Variants in CLEC12B observed in about 807,000 individuals in gnomAD.
CLEC12B encodes macrophage antigen h.
CLEC12B carries 25 observed loss-of-function variants against 36.1 expected under a neutral mutation model. That is an observed-to-expected ratio of 0.69 (90% CI 0.50 to 0.97). CLEC12B has a LOEUF of 0.97. Ranked by LOEUF, CLEC12B falls within the 50% of genes least tolerant of loss-of-function variation. The probability of loss-of-function intolerance (pLI) is 0.00; values close to 1 mark genes in which losing one functional copy is unlikely to be tolerated. For missense variants in CLEC12B, 325 were observed against 318.4 expected, an observed-to-expected ratio of 1.02 and a Z score of -0.16; for synonymous variants, 110 against 108.5, an observed-to-expected ratio of 1.01 and a Z score of -0.09.
At chr12:10,008,212 T>A (rs967375000), upstream of CLEC12B, among the ~76,000 whole-genome samples, 2 of 152,204 alleles carry the variant, frequency 1.3e-5, no homozygotes, top group African/African-American at 4.8e-5. Flanking sequence ...GTATGACTAG[T>A]GTGACCTAGG....
chr12:10,009,916 T>C (rs1865283326), upstream of CLEC12B, among the ~76,000 whole-genome samples: 1 of 152,174 alleles, frequency 6.6e-6, no homozygotes, highest in South Asian at 2.1e-4. Context: ...TTTTCCTGGG[T>C]TCTGTATTAA....
At chr12:10,007,741 T>C (rs906606050), upstream of CLEC12B, among the ~76,000 whole-genome samples, 1 of 152,254 alleles carries the variant, frequency 6.6e-6, no homozygotes, top group East Asian at 1.9e-4. Flanking sequence ...GCTACTTGAA[T>C]GTATGCACAG....
chr12:10,010,569 T>C (rs1237417221), upstream of CLEC12B: 2 of 471,206 alleles, frequency 4.2e-6, no homozygotes, highest in Non-Finnish European at 3.9e-6. Context: ...CTAAGGAGAA[T>C]ATTTGGCTTT....
chr12:10,010,928 A>G, intron 1 of CLEC12B, 78 bp downstream of exon 1: 1 of 858,668 alleles, frequency 1.2e-6, no homozygotes, highest in Non-Finnish European at 1.9e-6. Context: ...CAGCTTTAAT[A>G]CTGGCGTTAA....
chr12:10,017,381 C>T (rs1865512725), intron 5 of CLEC12B: 2 of 985,342 alleles, frequency 2.0e-6, no homozygotes, highest in South Asian at 9.4e-5. Context: ...ACTATGACAT[C>T]ATGTAAACAC....
In CLEC12B at chr12:10,015,395, T is replaced by C. The variant is rs374219624; in HGVS notation, c.553T>C (p.Leu185=). 6.2e-7 allele frequency: 1 copy of C among 1,611,830 alleles called. No homozygotes were observed. The highest frequency in any genetic ancestry group is 8.5e-7 in the Non-Finnish European group (1 of 1,179,132). ...CTCCACCCTAGTGAAGATAGACAGT[T>C]TGGAAGAAAAGGTAGGATTGAGTCT... The part of the protein sequence containing the change: ...KNSTLVKIDS[L]EEKDFLMSQP... Residue 185 remains leucine, a synonymous_variant, in exon 4 of 6, where the codon TTG becomes CTG. Coordinates refer to ENST00000338896, the MANE Select transcript of CLEC12B (RefSeq NM_001129998.3).
chr12:10,017,200 A>G (rs1252399278), intron 5 of CLEC12B: 1 of 985,214 alleles, frequency 1.0e-6, no homozygotes, highest in East Asian at 1.1e-4. Flanking sequence ...TAATCATATC[A>G]AGTCAATTAG....
upstream of CLEC12B, among the ~76,000 whole-genome samples, chr12:10,006,859 T>C (rs1359018789): frequency 6.6e-6 from 1 of 151,876 alleles, no homozygotes; most frequent in Non-Finnish European, 1.5e-5. Flanking sequence ...ATCGAGACCA[T>C]CCTGGCTAAC....
In CLEC12B at chr12:10,018,603, G is replaced by A. The variant is rs1865545302; in HGVS notation, c.*122G>A. On this transcript the variant is annotated 3_prime_UTR_variant, in exon 6 of 6. Coordinates refer to ENST00000338896, the MANE Select transcript of CLEC12B (RefSeq NM_001129998.3). ...AAATGACTGTGTATTTACATTATCAGACAAATGAACTTGTTTAACAGAACA... is the reference window on the plus strand; with the variant it reads ...AAATGACTGTGTATTTACATTATCAAACAAATGAACTTGTTTAACAGAACA... 1 of 768,396 alleles carries A rather than the reference G, an allele frequency of 1.3e-6. No individual in the cohort carries two copies. The allele number at this position is 768,396 out of a possible 1,614,324, so 47.6% of individuals were successfully genotyped here. A position where few individuals can be genotyped will look rare whatever the true frequency, so the allele number is the denominator to read the frequency against.
At chr12:10,007,276 T>A (rs959219969), upstream of CLEC12B, among the ~76,000 whole-genome samples, 7 of 151,544 alleles carry the variant, frequency 4.6e-5, no homozygotes. Flanking sequence ...TCTTTGGAAG[T>A]GAACATAAGT....
chr12:10,010,756 T>A lies in CLEC12B; in HGVS notation c.-4T>A. 1 of 1,569,030 alleles carries A rather than the reference T, an allele frequency of 6.4e-7. No homozygotes were observed. Among genetic ancestry groups the A allele is most frequent in the South Asian group, 1.1e-5 (1 of 90,358 alleles). ...GATAATTTAAAGTAGCGTTTTCTTCTACAATGTCTGAAGAAGTGACCTACG... is the reference window on the plus strand; with the variant it reads ...GATAATTTAAAGTAGCGTTTTCTTCAACAATGTCTGAAGAAGTGACCTACG... On this transcript the variant is annotated 5_prime_UTR_variant, in exon 1 of 6. Coordinates refer to ENST00000338896, the MANE Select transcript of CLEC12B (RefSeq NM_001129998.3).
At chr12:10,014,188 C>G (rs945480975) in intron 2 of CLEC12B, among the ~76,000 whole-genome samples, 1 of 152,112 alleles carries the variant, frequency 6.6e-6, no homozygotes, top group Non-Finnish European at 1.5e-5. Flanking sequence ...ACAACAATTA[C>G]ATCATCTATC....
chr12:10,015,164 T>C, intron 3 of CLEC12B, 88 bp from the exon 4 acceptor site: 1 of 1,105,136 alleles, frequency 9.0e-7, no homozygotes, highest in Non-Finnish European at 1.3e-6. Context: ...TCAGTCCCTA[T>C]TGTTCAATTA....
At chr12:10,007,056 A>G (rs937816014), upstream of CLEC12B, among the ~76,000 whole-genome samples, 12 of 152,054 alleles carry the variant, frequency 7.9e-5, no homozygotes. Context: ...CTCTGTCTCA[A>G]TAAAAAAAAA....
At position 10,010,646 on chromosome 12, in the gene CLEC12B, G is replaced by T; in HGVS notation, c.-114G>T. ...TACAGAGGGGCAGTAGAGTGTGTCT[G>T]GGTCAGCTGAGTGACTACATCAAAG... On this transcript the variant is annotated 5_prime_UTR_variant, in exon 1 of 6. Transcript: ENST00000338896. The T allele has an allele frequency of 1.6e-6, 1 of 626,758 alleles. No homozygotes were observed. Among genetic ancestry groups the T allele is most frequent in the Admixed American group, 2.4e-5 (1 of 40,938 alleles). The allele number at this position is 626,758 out of a possible 1,614,324, so 38.8% of individuals were successfully genotyped here.
upstream of CLEC12B, among the ~76,000 whole-genome samples, chr12:10,006,917 G>T (rs9300220): frequency 0.37 from 55,338 of 151,222 alleles, 10,382 homozygotes; most frequent in African/African-American, 0.41. Flanking sequence ...TAGCCGGGCG[G>T]GGTGGCAGGC....
intron 5 of CLEC12B, chr12:10,016,867 T>G (rs1342833231): frequency 8.9e-6 from 4 of 447,966 alleles, no homozygotes; most frequent in Non-Finnish European, 1.2e-5. Context: ...ACACTAGGTC[T>G]TACTTCTTCT....
At chr12:10,012,096 A>G (rs1312128022) in intron 1 of CLEC12B, among the ~76,000 whole-genome samples, 1 of 152,202 alleles carries the variant, frequency 6.6e-6, no homozygotes, top group African/African-American at 2.4e-5. Context: ...GTTAGACTGC[A>G]CATTCTTTCC....
intron 1 of CLEC12B, 133 bp downstream of exon 1, chr12:10,010,983 G>T: frequency 3.5e-6 from 2 of 574,754 alleles, no homozygotes; most frequent in Non-Finnish European, 3.1e-6. Flanking sequence ...AATAGTTGTG[G>T]AATGTATTAG....
Sources: gnomAD v4.1 joint callset for allele counts (sites outside exome capture counted in the v4.1 genomes callset) on GRCh38, gnomAD v4.1.1 for gene constraint, MANE v1.5 for transcripts, NCBI Gene and HGNC (gene_info 2026-07-23, HGNC 2026-07-21) for gene names.